CDC42: variants seen among roughly 807,000 people sequenced by gnomAD.
CDC42 encodes the protein cell division cycle 42, also known as cell division control protein 42 homolog.
In CDC42, 1 loss-of-function variant was observed where a neutral mutation model predicts 20.8. The observed-to-expected ratio is 0.05, with a 90% CI of 0.02 to 0.23. The LOEUF (loss-of-function observed/expected upper bound fraction) is 0.23, where lower values mean the gene tolerates loss of function less well. Among genes scored for constraint, CDC42 ranks in the 10% least tolerant of loss-of-function variants. The pLI, the probability that CDC42 is intolerant of heterozygous loss-of-function variation, is 1.00. For missense variants in CDC42, 49 were observed against 227.9 expected (o/e 0.21, Z 5.05); for synonymous variants, 72 against 84.8 (o/e 0.85, Z 0.83).
rs1471734582 is a variant in CDC42 at position 22,096,697 on chromosome 1, ATGG to A, written c.*5181_*5183del. Among the ~76,000 whole-genome samples, 3 of 152,222 alleles carry A rather than the reference ATGG, an allele frequency of 2.0e-5. No homozygotes were observed. Among genetic ancestry groups the A allele is most frequent in the Non-Finnish European group, 4.4e-5 (3 of 68,040 alleles). ...TGCAGGTGGTCAGTTGGAACCCCTG[ATGG>A]GTATCTGGGCCACTGCCCAGGCCAC... On this transcript the variant is annotated 3_prime_UTR_variant, in exon 6 of 6. Coordinates refer to ENST00000656825, the MANE Select transcript of CDC42 (RefSeq NM_001791.4).
chr1:22,056,048 A>G (rs940144359), intron 1 of CDC42, among the ~76,000 whole-genome samples: 2 of 152,172 alleles, frequency 1.3e-5, no homozygotes, highest in African/African-American at 2.4e-5. Context: ...GTTCTCTTCC[A>G]CATAGATTTC....
At chr1:22,090,147 C>A (rs1359816434) in intron 5 of CDC42, 35 of 1,440,090 alleles carry the variant, frequency 2.4e-5, no homozygotes, top group Non-Finnish European at 3.2e-5. Flanking sequence ...TCTTTTTACT[C>A]ACCACCTTAG....
intron 1 of CDC42, 198 bp downstream of exon 1, chr1:22,052,940 G>C (rs1285918536): frequency 1.3e-5 from 2 of 152,004 alleles, no homozygotes; most frequent in Non-Finnish European, 2.9e-5. Context: ...GGGGGAGCCG[G>C]GGCGGGGGTC....
At chr1:22,061,385 G>A (rs1264256818) in intron 1 of CDC42, among the ~76,000 whole-genome samples, 14 of 139,218 alleles carry the variant, frequency 1.0e-4, no homozygotes, top group Admixed American at 6.0e-4. Context: ...TTCAGTCTGA[G>A]TAACAAGAGC....
intron 1 of CDC42, among the ~76,000 whole-genome samples, chr1:22,072,822 G>A (rs1645506902): frequency 6.6e-6 from 1 of 152,236 alleles, no homozygotes; most frequent in East Asian, 1.9e-4. Flanking sequence ...AGTGGGGACG[G>A]AAACCAAATA....
intron 1 of CDC42, among the ~76,000 whole-genome samples, chr1:22,062,279 T>C (rs1230464835): frequency 6.6e-6 from 1 of 152,198 alleles, no homozygotes; most frequent in Non-Finnish European, 1.5e-5. Context: ...TAAGACAAAT[T>C]GTTTGAGAAT....
Position 22,078,405 on chromosome 1 carries a change from C to T in CDC42, c.-50-24C>T, listed in dbSNP as rs575366184. 51 of 1,160,808 alleles carry T rather than the reference C, an allele frequency of 4.4e-5. No homozygotes were observed. In the Admixed American group the frequency reaches 8.5e-4, roughly 19 times the overall value. The allele number at this position is 1,160,808 out of a possible 1,614,324, so 71.9% of individuals were successfully genotyped here. On this transcript the variant is annotated intron_variant, in intron 1 of 5. Coordinates refer to ENST00000656825, the MANE Select transcript of CDC42 (RefSeq NM_001791.4). ...AAATCCATATGTAAGTATAAATAAA[C>T]AAATGTCTTTAATCTTTTTGCAGGT...
At position 22,099,641 on chromosome 1, in the gene CDC42, C is replaced by G. The variant is rs1313655646; in HGVS notation, c.*8124C>G. Among the ~76,000 whole-genome samples the G allele has an allele frequency of 6.6e-6, 1 of 152,094 alleles. No homozygotes were observed. Among genetic ancestry groups the G allele is most frequent in the Non-Finnish European group, 1.5e-5 (1 of 68,014 alleles). ...TAAGGGTAGGTTTGTTGGGTAGGAG[C>G]TTTTTGGGGGAGGTGACTTTAGGAT... On this transcript the variant is annotated 3_prime_UTR_variant, in exon 6 of 6. Transcript: ENST00000656825.
At chr1:22,067,292 C>T (rs1323599169) in intron 1 of CDC42, among the ~76,000 whole-genome samples, 1 of 152,022 alleles carries the variant, frequency 6.6e-6, no homozygotes, top group Non-Finnish European at 1.5e-5. Flanking sequence ...TTGGTGAGGG[C>T]CTGCTTTGTG....
rs16826272 is a variant in CDC42 at position 22,060,186 on chromosome 1, A to G, written c.-51+7444A>G. Reference sequence around the variant, plus strand: ...GTGAAACCCCGTCTTTACTAAAAATACAAAAATTAGCCATGGTGGCATGCA... The same window carrying G: ...GTGAAACCCCGTCTTTACTAAAAATGCAAAAATTAGCCATGGTGGCATGCA... On this transcript the variant is annotated intron_variant, in intron 1 of 5. Coordinates refer to ENST00000656825, the MANE Select transcript of CDC42 (RefSeq NM_001791.4). Among the ~76,000 whole-genome samples the G allele has an allele frequency of 3.0e-4, 45 of 152,182 alleles. No individual in the cohort carries two copies. The South Asian group carries it at 7.9e-3, about 27-fold the overall frequency.
At chr1:22,076,188 G>C (rs1383819230) in intron 1 of CDC42, among the ~76,000 whole-genome samples, 3 of 152,114 alleles carry the variant, frequency 2.0e-5, no homozygotes, top group African/African-American at 7.2e-5. Context: ...GGTTGGGCAC[G>C]GTGGCTCACA....
chr1:22,090,816 G>A (rs1645708527), intron 5 of CDC42: 4 of 984,892 alleles, frequency 4.1e-6, no homozygotes, highest in African/African-American at 1.7e-5. Flanking sequence ...AATGCCTGAT[G>A]AAGCTTTATT....
intron 1 of CDC42, among the ~76,000 whole-genome samples, chr1:22,071,358 T>C (rs996628158): frequency 6.6e-6 from 1 of 152,204 alleles, no homozygotes; most frequent in Non-Finnish European, 1.5e-5. Context: ...CAAGCATTTC[T>C]AACAAACATA....
At chr1:22,083,899 A>G (rs1645633210) in intron 3 of CDC42, among the ~76,000 whole-genome samples, 1 of 152,192 alleles carries the variant, frequency 6.6e-6, no homozygotes, top group South Asian at 2.1e-4. Flanking sequence ...GGAACCATAC[A>G]ATATGTAGTC....
chr1:22,060,128 G>A (rs1017740298), intron 1 of CDC42, among the ~76,000 whole-genome samples: 2 of 151,954 alleles, frequency 1.3e-5, no homozygotes, highest in Non-Finnish European at 2.9e-5. Context: ...GATCACCTGA[G>A]GGCTGGAGTT....
At position 22,086,674 on chromosome 1, in the gene CDC42, G is replaced by A. The variant is rs375227168; in HGVS notation, c.294G>A (p.Val98=). The stretch of plus-strand genomic sequence containing the variant: ...TTTAAAATACCTTTTTTTAGTGGGT[G>A]CCTGAGATAACTCACCACTGTCCAA... The part of the protein sequence containing the change: ...SSFENVKEKW[V]PEITHHCPKT... Residue 98 remains valine (V), a synonymous_variant, in exon 5 of 6, where the codon GTG becomes GTA. Coordinates refer to ENST00000656825, the MANE Select transcript of CDC42 (RefSeq NM_001791.4). 1.8e-5 allele frequency: 29 copies of A among 1,613,734 alleles called. No individual in the cohort carries two copies. The highest frequency in any genetic ancestry group is 2.5e-5 in the Non-Finnish European group (29 of 1,179,818).
Position 22,093,264 on chromosome 1 carries a change from T to C in CDC42, c.*1747T>C, listed in dbSNP as rs1195630597. 2.6e-5 allele frequency among the ~76,000 whole-genome samples: 4 copies of C among 152,144 alleles called. No homozygotes were observed. Among genetic ancestry groups the C allele is most frequent in the Non-Finnish European group, 4.4e-5 (3 of 68,008 alleles). On this transcript the variant is annotated 3_prime_UTR_variant, in exon 6 of 6. Coordinates refer to ENST00000656825, the MANE Select transcript of CDC42 (RefSeq NM_001791.4). ...AGTGTACCTTTAATCCATAGATCAT[T>C]GAAAAGCAGCTCATTTTCCCCCAAG... is the stretch of plus-strand genomic sequence containing the variant.
intron 1 of CDC42, among the ~76,000 whole-genome samples, chr1:22,075,137 A>C (rs1645534313): frequency 6.6e-6 from 1 of 152,218 alleles, no homozygotes. Flanking sequence ...AAACTTTAGC[A>C]TGAGTAACTC....
At chr1:22,083,098 C>T (rs545260244) in intron 3 of CDC42, among the ~76,000 whole-genome samples, 2 of 151,964 alleles carry the variant, frequency 1.3e-5, no homozygotes, top group South Asian at 2.1e-4. Flanking sequence ...TCAGGCTGGT[C>T]TCGAACTTCT....
Sources: allele counts gnomAD v4.1 joint callset (sites outside exome capture counted in the v4.1 genomes callset), GRCh38; gene constraint gnomAD v4.1.1; transcripts MANE v1.5; gene names NCBI Gene and HGNC (gene_info 2026-07-23, HGNC 2026-07-21).